LRRC74A: variants seen among roughly 807,000 people sequenced by gnomAD.
LRRC74A encodes leucine rich repeat containing 74A, also known as leucine-rich repeat-containing protein 74A.
LRRC74A carries 44 observed loss-of-function variants against 57.9 expected under a neutral mutation model. The observed-to-expected ratio is 0.76, with a 90% confidence interval of 0.60 to 0.98. LRRC74A has a LOEUF of 0.98. Among genes scored for constraint, LRRC74A ranks in the 50% least tolerant of loss-of-function variants. The pLI is 0.00. For missense variants in LRRC74A, 572 were observed against 574.0 expected (o/e 1.00, Z 0.04); for synonymous variants, 211 against 219.4 (o/e 0.96, Z 0.34).
At chr14:76,832,642 A>C (rs1896051187) in intron 3 of LRRC74A, among the ~76,000 whole-genome samples, 1 of 152,108 alleles carries the variant, frequency 6.6e-6, no homozygotes, top group African/African-American at 2.4e-5. Flanking sequence ...TTGGAGGACA[A>C]GGGGCTGAAA....
chr14:76,851,455 T>C (rs1427034141), intron 7 of LRRC74A, among the ~76,000 whole-genome samples: 1 of 152,158 alleles, frequency 6.6e-6, no homozygotes, highest in Non-Finnish European at 1.5e-5. Context: ...CCTCCCAGGT[T>C]CAATCAGTTC....
In LRRC74A at chr14:76,837,657, C is replaced by T. The variant is rs185363425; in HGVS notation, c.448-218C>T. Reference sequence around the variant, plus strand: ...CAAAAAACTGAGACCAGCTAGCCCACGGGTCCCACCGGGAGGCCCTGGAAA... The same window carrying T: ...CAAAAAACTGAGACCAGCTAGCCCATGGGTCCCACCGGGAGGCCCTGGAAA... On this transcript the variant is annotated intron_variant, in intron 4 of 13. Coordinates refer to ENST00000689127, the MANE Select transcript of LRRC74A (RefSeq NM_001385106.1). 2.0e-5 allele frequency among the ~76,000 whole-genome samples: 3 copies of T among 152,280 alleles called. No individual in the cohort carries two copies. The East Asian group carries it at 5.8e-4, about 29-fold the overall frequency.
chr14:76,852,130 A>G (rs1419961835), intron 7 of LRRC74A, among the ~76,000 whole-genome samples: 1 of 152,228 alleles, frequency 6.6e-6, no homozygotes. Context: ...GACTATACCA[A>G]TTTCCTTCCC....
At chr14:76,829,312 G>A (rs892190410) in intron 2 of LRRC74A, 10 of 669,802 alleles carry the variant, frequency 1.5e-5, no homozygotes, top group Admixed American at 8.2e-5. Context: ...CATCTGCATA[G>A]AGTCAGTTTA....
intron 1 of LRRC74A, 109 bp from the exon 2 acceptor site, chr14:76,828,182 C>A: frequency 7.1e-7 from 1 of 1,407,264 alleles, no homozygotes. Context: ...CCTTGAGGAC[C>A]TGGGACTCAG....
chr14:76,828,977 G>A, intron 2 of LRRC74A: 1 of 1,283,886 alleles, frequency 7.8e-7, no homozygotes, highest in Admixed American at 2.3e-5. Context: ...TTAGAGCTCT[G>A]GTTTCCCCTA....
At chr14:76,862,549 AG>A (rs1898399635) in intron 11 of LRRC74A, among the ~76,000 whole-genome samples, 1 of 142,318 alleles carries the variant, frequency 7.0e-6, no homozygotes, top group African/African-American at 2.6e-5. Context: ...AAAAAAAAAA[AG>A]TGTCATGTGA....
At chr14:76,836,759 C>T (rs1481784408) in intron 4 of LRRC74A, among the ~76,000 whole-genome samples, 3 of 146,546 alleles carry the variant, frequency 2.0e-5, no homozygotes, top group African/African-American at 7.6e-5. Flanking sequence ...CCACAGCACT[C>T]CAGCCTGGGC....
chr14:76,829,551 C>A (rs1410091962), intron 2 of LRRC74A, among the ~76,000 whole-genome samples: 1 of 152,168 alleles, frequency 6.6e-6, no homozygotes, highest in Non-Finnish European at 1.5e-5. Context: ...TCTCATTCCC[C>A]CATCTCTTCC....
In LRRC74A at chr14:76,867,412, T is replaced by C; in HGVS notation, c.1365T>C (p.Asp455=). Residue 455 remains aspartate (D), a synonymous_variant, in exon 13 of 14, where the codon GAT becomes GAC. Transcript: ENST00000689127. ...TCAGGGAGGTGATAAAGAAGCTCGA[T>C]GAGAAGACAGGCATGGTGAACTTCA... The part of the protein sequence containing the change: ...YQVREVIKKL[D]EKTGMVNFSF... The C allele has an allele frequency of 1.9e-6, 3 of 1,601,496 alleles. No homozygotes were observed. Among genetic ancestry groups the C allele is most frequent in the Non-Finnish European group, 1.7e-6 (2 of 1,169,688 alleles).
chr14:76,860,621 T>C, intron 10 of LRRC74A, 72 bp from the exon 11 acceptor site: 1 of 1,408,504 alleles, frequency 7.1e-7, no homozygotes, highest in South Asian at 1.4e-5. Context: ...GTGGAAGGGG[T>C]AGGGTGCACT....
At chr14:76,830,344 C>T (rs1006798848) in intron 2 of LRRC74A, among the ~76,000 whole-genome samples, 2 of 152,218 alleles carry the variant, frequency 1.3e-5, no homozygotes, top group African/African-American at 4.8e-5. Context: ...CTGGACTTGC[C>T]TAATGAGGAC....
chr14:76,867,596 C>G (rs138503774), intron 13 of LRRC74A, among the ~76,000 whole-genome samples, 158 bp downstream of exon 13: 1 of 152,268 alleles, frequency 6.6e-6, no homozygotes, highest in Non-Finnish European at 1.5e-5. Context: ...GTCTACCCCC[C>G]TTCTCATCCC....
rs1898002936 is a variant in LRRC74A at position 76,857,610 on chromosome 14, T to C, written c.1053+135T>C. ...CACAAGTGCTCCATGAAAGGGTCAC[T>C]TCTTTTGTTACAGCTCTGCCCTCTC... On this transcript the variant is annotated intron_variant, in intron 10 of 13. Coordinates refer to ENST00000689127, the MANE Select transcript of LRRC74A (RefSeq NM_001385106.1). 4.8e-6 allele frequency: 3 copies of C among 629,140 alleles called. No homozygotes were observed. The South Asian group carries it at 5.4e-5, about 11-fold the overall frequency. The allele number at this position is 629,140 out of a possible 1,614,324, so 39.0% of individuals were successfully genotyped here.
intron 3 of LRRC74A, among the ~76,000 whole-genome samples, chr14:76,833,821 A>G (rs780709442): frequency 3.3e-5 from 5 of 152,150 alleles, no homozygotes; most frequent in Non-Finnish European, 7.4e-5. Flanking sequence ...ATTGTGCCTA[A>G]TTTGTGAATT....
intron 3 of LRRC74A, among the ~76,000 whole-genome samples, 181 bp downstream of exon 3, chr14:76,831,556 A>G (rs769065163): frequency 5.3e-5 from 8 of 152,134 alleles, no homozygotes; most frequent in Non-Finnish European, 1.0e-4. Flanking sequence ...GTAGGAGGCT[A>G]CTAGCAACCT....
intron 12 of LRRC74A, among the ~76,000 whole-genome samples, chr14:76,866,629 G>A (rs1268883816): frequency 3.3e-5 from 5 of 151,994 alleles, no homozygotes; most frequent in African/African-American, 7.2e-5. Context: ...GTCGGTGCCC[G>A]GTGCCCAGGC....
At chr14:76,841,700 CTTTTTTTTTCTTTTTCTTT>C (rs1896782983) in intron 5 of LRRC74A, among the ~76,000 whole-genome samples, 1 of 125,334 alleles carries the variant, frequency 8.0e-6, no homozygotes, top group Admixed American at 9.2e-5. Flanking sequence ...TTTTTATATT[CTTTTTTTTTCTTTTTCTTT>C]TTTTTTTTTT....
chr14:76,859,268 C>T (rs536488693), intron 10 of LRRC74A, among the ~76,000 whole-genome samples: 156 of 152,250 alleles, frequency 1.0e-3, no homozygotes, highest in Non-Finnish European at 3.2e-4. Context: ...GGCGCGGTGA[C>T]TCACGCCTGT....
Sources: allele counts gnomAD v4.1 joint callset (sites outside exome capture counted in the v4.1 genomes callset), GRCh38; gene constraint gnomAD v4.1.1; transcripts MANE v1.5; gene names NCBI Gene and HGNC (gene_info 2026-07-23, HGNC 2026-07-21).